The following KCTD8 variants were observed in gnomAD, a reference collection of about 807,000 sequenced individuals.
KCTD8 encodes the protein potassium channel tetramerization domain containing 8.
A neutral mutation model predicts 31.5 loss-of-function variants in KCTD8; 27 were observed. The observed-to-expected ratio is 0.86, with a 90% CI of 0.63 to 1.18. The LOEUF (loss-of-function observed/expected upper bound fraction) is 1.18, where lower values mean the gene tolerates loss of function less well. Ranked by LOEUF, KCTD8 falls within the 50% of genes most tolerant of loss-of-function variation. The pLI, the probability that KCTD8 is intolerant of heterozygous loss-of-function variation, is 0.00. For missense variants in KCTD8, 658 were observed against 647.7 expected (o/e 1.02, Z -0.17); for synonymous variants, 290 against 280.0 (o/e 1.04, Z -0.36).
At chr4:44,439,898 ATTTTTATTTATTTATTTATTTATT>A (rs1721773206) in intron 1 of KCTD8, among the ~76,000 whole-genome samples, 1 of 97,544 alleles carries the variant, frequency 1.0e-5, no homozygotes, top group African/African-American at 3.1e-5. Context: ...CCAATCATTT[ATTTTTATTTATTTATTTATTTATT>A]TATTTATTTA....
At chr4:44,226,108 G>A (rs1714953948) in intron 1 of KCTD8, among the ~76,000 whole-genome samples, 1 of 152,084 alleles carries the variant, frequency 6.6e-6, no homozygotes, top group Non-Finnish European at 1.5e-5. Flanking sequence ...GATTACAGGC[G>A]TGAGCCACTG....
intron 1 of KCTD8, among the ~76,000 whole-genome samples, chr4:44,257,900 G>A (rs1245624740): frequency 6.6e-6 from 1 of 151,978 alleles, no homozygotes; most frequent in Non-Finnish European, 1.5e-5. Flanking sequence ...ATATAAGATT[G>A]AAGTACCTAG....
At chr4:44,349,097 T>TACC (rs140806249) in intron 1 of KCTD8, among the ~76,000 whole-genome samples, 48,541 of 149,484 alleles carry the variant, frequency 0.32, 8,151 homozygotes, top group African/African-American at 0.39. Flanking sequence ...CCACCACCAC[T>TACC]ACCACCAATG....
intron 1 of KCTD8, among the ~76,000 whole-genome samples, chr4:44,253,260 G>T (rs778131403): frequency 3.3e-5 from 5 of 151,640 alleles, no homozygotes; most frequent in Admixed American, 6.6e-5. Flanking sequence ...TGGGCCTGGG[G>T]CCATGTTCAT....
rs1713148934 is a variant in KCTD8, at chr4:44,174,798, C to T, written c.1414G>A (p.Gly472Arg). 5 of 1,601,384 alleles carry T rather than the reference C, an allele frequency of 3.1e-6. No homozygotes were observed. Among genetic ancestry groups the T allele is most frequent in the Non-Finnish European group, 4.3e-6 (5 of 1,173,418 alleles). Residue 472 changes from glycine to arginine, a missense_variant, in exon 2 of 2, where the codon GGG becomes AGG. Coordinates refer to ENST00000360029, the MANE Select transcript of KCTD8 (RefSeq NM_198353.3). ...CAGGAATGTGACAATTACTATAACCCATACTTCTGCAACAGTTCAGATTGC... is the reference window on the plus strand; with the variant it reads ...CAGGAATGTGACAATTACTATAACCTATACTTCTGCAACAGTTCAGATTGC... ...QWQSELLQKY[G>R]L
chr4:44,190,241 C>G (rs1186547950), intron 1 of KCTD8, among the ~76,000 whole-genome samples: 3 of 152,216 alleles, frequency 2.0e-5, no homozygotes, highest in Non-Finnish European at 4.4e-5. Flanking sequence ...ACAGACAAGA[C>G]TTTCCTCCCC....
intron 1 of KCTD8, among the ~76,000 whole-genome samples, chr4:44,432,087 C>T (rs73247560): frequency 0.19 from 28,195 of 151,268 alleles, 2,766 homozygotes; most frequent in Non-Finnish European, 0.21. Flanking sequence ...CTTATTAAAA[C>T]ATTTTATTGG....
chr4:44,233,646 T>C (rs1715186714), intron 1 of KCTD8, among the ~76,000 whole-genome samples: 1 of 152,214 alleles, frequency 6.6e-6, no homozygotes, highest in South Asian at 2.1e-4. Flanking sequence ...GTCCTTGTTT[T>C]ATTTTTATAT....
In KCTD8 at chr4:44,398,242, A is replaced by G. The variant is rs889467766; in HGVS notation, c.961+49321T>C. On this transcript the variant is annotated intron_variant, in intron 1 of 1. Coordinates refer to ENST00000360029, the MANE Select transcript of KCTD8 (RefSeq NM_198353.3). The stretch of plus-strand genomic sequence containing the variant: ...AAGTTAGTTCTCCGAAGTAACTTTA[A>G]TAAGTCAACTGCTGCAGTCCACTAA... 1.2e-4 allele frequency among the ~76,000 whole-genome samples: 18 copies of G among 152,342 alleles called. No homozygotes were observed. In the East Asian group the frequency reaches 3.5e-3, roughly 29 times the overall value.
chr4:44,387,525 A>G (rs1444706975), intron 1 of KCTD8, among the ~76,000 whole-genome samples: 1 of 151,986 alleles, frequency 6.6e-6, no homozygotes, highest in Non-Finnish European at 1.5e-5. Flanking sequence ...GAACAGACAC[A>G]TAGAACAATG....
chr4:44,361,670 T>C (rs148929477), intron 1 of KCTD8, among the ~76,000 whole-genome samples: 278 of 152,238 alleles, frequency 1.8e-3, no homozygotes, highest in Middle Eastern at 3.4e-3. Context: ...AACACAATTA[T>C]ACTAAATTTT....
chr4:44,263,106 C>G (rs1211507963), intron 1 of KCTD8, among the ~76,000 whole-genome samples: 1 of 152,152 alleles, frequency 6.6e-6, no homozygotes, highest in African/African-American at 2.4e-5. Context: ...TCCTCTCCCA[C>G]TGCAGCAACG....
At chr4:44,418,471 C>T (rs1450384518) in intron 1 of KCTD8, among the ~76,000 whole-genome samples, 3 of 152,058 alleles carry the variant, frequency 2.0e-5, no homozygotes, top group African/African-American at 7.2e-5. Context: ...TTTTTATAGT[C>T]TTTTGTTTTG....
At chr4:44,197,366 G>T (rs1272858097) in intron 1 of KCTD8, among the ~76,000 whole-genome samples, 2 of 152,102 alleles carry the variant, frequency 1.3e-5, no homozygotes, top group Non-Finnish European at 2.9e-5. Flanking sequence ...AAAAGGAAAT[G>T]CAGGAACAGC....
At chr4:44,395,962 C>T (rs983992895) in intron 1 of KCTD8, among the ~76,000 whole-genome samples, 14 of 152,032 alleles carry the variant, frequency 9.2e-5, no homozygotes, top group Non-Finnish European at 2.9e-5. Flanking sequence ...TAATTGTACA[C>T]TTTATTTCTA....
chr4:44,272,121 TTA>T (rs34459205), intron 1 of KCTD8, among the ~76,000 whole-genome samples: 52,647 of 142,394 alleles, frequency 0.37, 10,012 homozygotes, highest in African/African-American at 0.49. Flanking sequence ...TGGTATTATA[TTA>T]TATATATATA....
intron 1 of KCTD8, among the ~76,000 whole-genome samples, chr4:44,256,858 T>A (rs1007105508): frequency 6.6e-6 from 1 of 151,966 alleles, no homozygotes; most frequent in Non-Finnish European, 1.5e-5. Context: ...CTTCCAGAAC[T>A]GTTAAGATAT....
At chr4:44,263,659 G>A (rs1432797497) in intron 1 of KCTD8, among the ~76,000 whole-genome samples, 1 of 152,128 alleles carries the variant, frequency 6.6e-6, no homozygotes, top group Non-Finnish European at 1.5e-5. Flanking sequence ...GAAAAAAATG[G>A]TTTTAAAATA....
At chr4:44,371,106 T>G (rs775924017) in intron 1 of KCTD8, among the ~76,000 whole-genome samples, 5 of 151,712 alleles carry the variant, frequency 3.3e-5, no homozygotes, top group Non-Finnish European at 7.4e-5. Context: ...GAACCAGGAG[T>G]GCTAATGCTG....
Sources: allele counts gnomAD v4.1 joint callset (sites outside exome capture counted in the v4.1 genomes callset), GRCh38; gene constraint gnomAD v4.1.1; transcripts MANE v1.5; gene names NCBI Gene and HGNC (gene_info 2026-07-23, HGNC 2026-07-21).